The following ERGIC1 variants were observed in gnomAD, a reference collection of about 807,000 sequenced individuals.
ERGIC1 encodes the protein endoplasmic reticulum-golgi intermediate compartment 1, also known as endoplasmic reticulum-Golgi intermediate compartment protein 1.
A neutral mutation model predicts 38.3 loss-of-function variants in ERGIC1; 19 were observed. The observed-to-expected ratio is 0.50, with a 90% CI of 0.35 to 0.73. ERGIC1 has a LOEUF of 0.73. Ranked by LOEUF, ERGIC1 falls within the 30% of genes least tolerant of loss-of-function variation. ERGIC1 has a pLI of 0.01. For missense variants in ERGIC1, 294 were observed against 389.2 expected (o/e 0.76, Z 2.06); for synonymous variants, 124 against 157.6 (o/e 0.79, Z 1.60).
intron 1 of ERGIC1, among the ~76,000 whole-genome samples, chr5:172,872,933 A>T (rs1233016734): frequency 2.0e-5 from 3 of 152,200 alleles, no homozygotes; most frequent in Non-Finnish European, 4.4e-5. Flanking sequence ...CAAAAGGGGC[A>T]CCTTTCACAG....
chr5:172,845,871 C>T (rs1462520059), intron 1 of ERGIC1, among the ~76,000 whole-genome samples: 2 of 151,934 alleles, frequency 1.3e-5, no homozygotes, highest in East Asian at 3.9e-4. Flanking sequence ...AGGATCCCAT[C>T]GAAGGTCCCA....
Position 172,927,520 on chromosome 5 carries a change from A to C in ERGIC1, c.541+951A>C, listed in dbSNP as rs115004112. ...TACTTGACCTTATTACATAGCCACGATTTTCTTACTTTCCAGTTGTAATGG... is the reference window on the plus strand; with the variant it reads ...TACTTGACCTTATTACATAGCCACGCTTTTCTTACTTTCCAGTTGTAATGG... On this transcript the variant is annotated intron_variant, in intron 7 of 9. Coordinates refer to ENST00000393784, the MANE Select transcript of ERGIC1 (RefSeq NM_001031711.3). Among the ~76,000 whole-genome samples the C allele has an allele frequency of 3.7e-3, 536 of 144,480 alleles. 6 individuals are homozygous for C. The highest frequency in any genetic ancestry group is 0.013 in the African/African-American group (512 of 38,624). 94.8% of individuals were successfully genotyped at this position (144,480 alleles called of 152,430 possible).
At chr5:172,911,656 G>A (rs1430837888) in intron 4 of ERGIC1, among the ~76,000 whole-genome samples, 5 of 152,278 alleles carry the variant, frequency 3.3e-5, no homozygotes, top group South Asian at 2.1e-4. Context: ...TCTGCCACCC[G>A]ACAGCAGTGT....
At chr5:172,935,489 AAC>A in intron 9 of ERGIC1, 179 bp downstream of exon 9, 1 of 710,284 alleles carries the variant, frequency 1.4e-6, no homozygotes, top group Non-Finnish European at 2.3e-6. Flanking sequence ...TGTTGTCAGA[AAC>A]ACATCAGTAT....
intron 1 of ERGIC1, among the ~76,000 whole-genome samples, chr5:172,851,621 A>C (rs1365231571): frequency 6.6e-6 from 1 of 152,076 alleles, no homozygotes; most frequent in Non-Finnish European, 1.5e-5. Flanking sequence ...AAAGCGGGAG[A>C]TGTGAGAGCC....
At chr5:172,872,917 G>A (rs551016081) in intron 1 of ERGIC1, among the ~76,000 whole-genome samples, 5 of 152,292 alleles carry the variant, frequency 3.3e-5, no homozygotes, top group African/African-American at 1.2e-4. Flanking sequence ...GGACACTTGG[G>A]GTCCCCAAAA....
In ERGIC1 at chr5:172,950,989, C is replaced by T. The variant is rs750240441; in HGVS notation, c.*173C>T. ...ATGTTTTGCAGCTACCTCTTTTCCC[C>T]GTGTTTCTTTTTAGACAAATTACAC... On this transcript the variant is annotated 3_prime_UTR_variant, in exon 10 of 10. Transcript: ENST00000393784. 2.3e-5 allele frequency: 12 copies of T among 532,448 alleles called. No homozygotes were observed. Among genetic ancestry groups the T allele is most frequent in the Admixed American group, 1.4e-4 (4 of 27,654 alleles). 33.0% of individuals were successfully genotyped at this position (532,448 alleles called of 1,614,324 possible).
intron 8 of ERGIC1, chr5:172,934,798 G>T: frequency 3.6e-6 from 1 of 279,724 alleles, no homozygotes; most frequent in Non-Finnish European, 7.2e-6. Context: ...GCCAGCCATG[G>T]GCCACCACAG....
intron 1 of ERGIC1, among the ~76,000 whole-genome samples, chr5:172,845,049 G>GGT (rs1761253664): frequency 1.4e-5 from 2 of 141,358 alleles, no homozygotes; most frequent in Non-Finnish European, 3.2e-5. Flanking sequence ...TATATAGGGG[G>GGT]GACAGGACTT....
intron 1 of ERGIC1, among the ~76,000 whole-genome samples, chr5:172,883,556 T>C (rs570105613): frequency 1.2e-3 from 177 of 152,304 alleles, no homozygotes; most frequent in Non-Finnish European, 1.9e-3. Context: ...CTCTCATTGT[T>C]AGATTGAAGC....
chr5:172,882,928 A>G (rs1390070122), intron 1 of ERGIC1, among the ~76,000 whole-genome samples: 4 of 152,044 alleles, frequency 2.6e-5, no homozygotes, highest in Non-Finnish European at 4.4e-5. Context: ...GGTGGTGATG[A>G]TGATGATGAT....
chr5:172,866,700 C>A (rs888992050), intron 1 of ERGIC1, among the ~76,000 whole-genome samples: 1 of 152,272 alleles, frequency 6.6e-6, no homozygotes, highest in African/African-American at 2.4e-5. Flanking sequence ...TAGCAAGTGG[C>A]AGAGCTGGGA....
At chr5:172,904,583 T>C (rs952878796) in intron 3 of ERGIC1, among the ~76,000 whole-genome samples, 1 of 152,192 alleles carries the variant, frequency 6.6e-6, no homozygotes, top group Non-Finnish European at 1.5e-5. Context: ...CAAACCACAA[T>C]GAATCCACAA....
intron 1 of ERGIC1, among the ~76,000 whole-genome samples, chr5:172,844,309 A>C (rs1761234183): frequency 6.6e-6 from 1 of 152,212 alleles, no homozygotes; most frequent in African/African-American, 2.4e-5. Context: ...CCCTGTGGGG[A>C]AGGGACAGCT....
chr5:172,943,402 A>C (rs1485612260), intron 9 of ERGIC1, among the ~76,000 whole-genome samples: 5 of 67,024 alleles, frequency 7.5e-5, no homozygotes, highest in African/African-American at 2.5e-4. Context: ...TACACCCCCC[A>C]CCTCTGCCTC....
intron 3 of ERGIC1, chr5:172,897,986 C>A: frequency 2.4e-6 from 1 of 412,396 alleles, no homozygotes; most frequent in South Asian, 1.3e-4. Flanking sequence ...ATTATGCAGT[C>A]ACGACCTCAT....
chr5:172,897,777 G>A, intron 3 of ERGIC1: 2 of 413,616 alleles, frequency 4.8e-6, no homozygotes, highest in Non-Finnish European at 8.8e-6. Flanking sequence ...TACCGGAGGG[G>A]GCGAGGTTGC....
intron 8 of ERGIC1, 152 bp downstream of exon 8, chr5:172,932,688 G>C: frequency 1.4e-6 from 1 of 720,180 alleles, no homozygotes; most frequent in South Asian, 1.8e-5. Flanking sequence ...GCTGTCCCTG[G>C]GTAAAATTGA....
chr5:172,876,369 G>A (rs761548387), intron 1 of ERGIC1, among the ~76,000 whole-genome samples: 33 of 152,170 alleles, frequency 2.2e-4, no homozygotes, highest in Non-Finnish European at 4.4e-4. Context: ...TGGCTAGCTA[G>A]AAATACATTT....
Sources: gnomAD v4.1 joint callset for allele counts (sites outside exome capture counted in the v4.1 genomes callset) on GRCh38, gnomAD v4.1.1 for gene constraint, MANE v1.5 for transcripts, NCBI Gene and HGNC (gene_info 2026-07-23, HGNC 2026-07-21) for gene names.